CYP1B1: variants seen among roughly 807,000 people sequenced by gnomAD.
CYP1B1 encodes cytochrome P450 family 1 subfamily B member 1.
Under a neutral mutation model 29.9 loss-of-function variants are expected in CYP1B1, and 22 were observed. The observed-to-expected ratio is 0.74, with a 90% CI of 0.53 to 1.05. The LOEUF is 1.05. CYP1B1 is among the 50% of genes least tolerant of loss of function. The pLI, the probability that CYP1B1 is intolerant of heterozygous loss-of-function variation, is 0.00. For synonymous variants in CYP1B1, 375 were observed against 320.0 expected, an observed-to-expected ratio of 1.17 and a Z score of -1.83; for missense variants, 883 against 746.9, an observed-to-expected ratio of 1.18 and a Z score of -2.12.
rs77105857 is a variant in CYP1B1 at position 38,069,647 on chromosome 2, C to T, written c.*1075G>A. ...CCAAAATTTGAGTGAAGAAAAGAAA[C>T]CCTGCTTCATTTCCATGTCAAAAAT... On this transcript the variant is annotated 3_prime_UTR_variant, in exon 3 of 3. Coordinates refer to ENST00000610745, the MANE Select transcript of CYP1B1 (RefSeq NM_000104.4). 1 of 200,958 alleles carries T rather than the reference C, an allele frequency of 5.0e-6. No individual in the cohort carries two copies. Among genetic ancestry groups the T allele is most frequent in the African/African-American group, 2.3e-5 (1 of 43,550 alleles). 12.4% of individuals were successfully genotyped at this position (200,958 alleles called of 1,614,324 possible).
chr2:38,075,053 C>T lies in CYP1B1; in HGVS notation c.336G>A (p.Ser112=), dbSNP rs369514023. The change falls in exon 2 of 3, where the codon TCG becomes TCA. Residue 112 remains serine, a synonymous_variant. Transcript: ENST00000610745. The stretch of plus-strand genomic sequence containing the variant: ...CGAAGGCCGGCCGGTCGGCGAAGGC[C>T]GAGCCCTGCTGCACCAGGGCCTGGT... ...AIHQALVQQG[S]AFADRPAFAS... The T allele has an allele frequency of 6.3e-7, 1 of 1,586,400 alleles. No homozygotes were observed. Among genetic ancestry groups the T allele is most frequent in the African/African-American group, 1.3e-5 (1 of 74,790 alleles).
chr2:38,070,156 G>C lies in CYP1B1; in HGVS notation c.*566C>G, dbSNP rs1031923359. The C allele has an allele frequency of 4.4e-6, 1 of 225,942 alleles. No individual in the cohort carries two copies. Among genetic ancestry groups the C allele is most frequent in the Non-Finnish European group, 8.9e-6 (1 of 112,872 alleles). The allele number at this position is 225,942 out of a possible 1,614,324, so 14.0% of individuals were successfully genotyped here. A position where few individuals can be genotyped will look rare whatever the true frequency, so the allele number is the denominator to read the frequency against. Reference sequence around the variant, plus strand: ...AGGATAAATCCACCCATAAATACTAGAGTCTAAGTTATTTTCCTGAAAAGG... The same window carrying C: ...AGGATAAATCCACCCATAAATACTACAGTCTAAGTTATTTTCCTGAAAAGG... On this transcript the variant is annotated 3_prime_UTR_variant, in exon 3 of 3. Coordinates refer to ENST00000610745, the MANE Select transcript of CYP1B1 (RefSeq NM_000104.4).
intron 2 of CYP1B1, among the ~76,000 whole-genome samples, chr2:38,072,767 C>G (rs1045281502): frequency 4.6e-5 from 7 of 152,148 alleles, no homozygotes; most frequent in South Asian, 4.1e-4. Context: ...TCTGCTCTGC[C>G]TTGTGTTGTA....
chr2:38,074,110 G>A (rs1331123294), intron 2 of CYP1B1, among the ~76,000 whole-genome samples: 1 of 152,004 alleles, frequency 6.6e-6, no homozygotes, highest in Non-Finnish European at 1.5e-5. Flanking sequence ...CAGGGGAGGG[G>A]ACGATAGAGA....
At position 38,071,069 on chromosome 2, in the gene CYP1B1, G is replaced by C. The variant is rs756276196; in HGVS notation, c.1285C>G (p.His429Asp). The C allele has an allele frequency of 1.9e-6, 3 of 1,613,362 alleles. No homozygotes were observed. The highest frequency in any genetic ancestry group is 1.3e-5 in the African/African-American group (1 of 74,912). The part of the protein sequence containing the change: ...VVFVNQWSVN[H>D]DPLKWPNPEN... ...GGGTTAGGCCACTTCAGTGGGTCAT[G>C]ATTCACAGACCACTGGTTGACAAAA... Residue 429 changes from histidine (H) to aspartate (D), a missense_variant, in exon 3 of 3, where the codon CAT becomes GAT. Coordinates refer to ENST00000610745, the MANE Select transcript of CYP1B1 (RefSeq NM_000104.4).
chr2:38,074,732 G>C lies in CYP1B1; in HGVS notation c.657C>G (p.Pro219=). 5 of 1,608,216 alleles carry C rather than the reference G, an allele frequency of 3.1e-6. No individual in the cohort carries two copies. The highest frequency in any genetic ancestry group is 4.2e-6 in the Non-Finnish European group (5 of 1,178,148). The change falls in exon 2 of 3, where the codon CCC becomes CCG. Residue 219 remains proline (P), a synonymous_variant. Coordinates refer to ENST00000610745, the MANE Select transcript of CYP1B1 (RefSeq NM_000104.4). The stretch of plus-strand genomic sequence containing the variant: ...TGTGGCTGAGCAGCTCACGGAACTC[G>C]GGGTCGTCGTGGCTGTAGCGGCAGC... ...CFGCRYSHDD[P]EFRELLSHNE... is the part of the protein sequence containing the mutation.
At chr2:38,073,166 A>G (rs867685097) in intron 2 of CYP1B1, among the ~76,000 whole-genome samples, 52 of 152,202 alleles carry the variant, frequency 3.4e-4, no homozygotes, top group African/African-American at 1.2e-3. Context: ...TTTTAATACT[A>G]AAAAGCCATT....
Position 38,075,329 on chromosome 2 carries a change from C to T in CYP1B1, c.60G>A (p.Gln20=). The T allele has an allele frequency of 6.2e-7, 1 of 1,612,994 alleles. No individual in the cohort carries two copies. ...PWPLNPLSIQ[Q]TTLLLLLSVL... ...CCGACAGGAGTAGCAGGAGCGTGGT[C>T]TGCTGGATGGACAGCGGGTTTAGCG... Residue 20 remains glutamine, a synonymous_variant, in exon 2 of 3, where the codon CAG becomes CAA. Transcript: ENST00000610745.
chr2:38,070,548 C>A lies in CYP1B1; in HGVS notation c.*174G>T. 1.6e-6 allele frequency: 1 copy of A among 644,482 alleles called. No individual in the cohort carries two copies. Among genetic ancestry groups the A allele is most frequent in the Non-Finnish European group, 2.7e-6 (1 of 369,300 alleles). 39.9% of individuals were successfully genotyped at this position (644,482 alleles called of 1,614,324 possible). ...CCAGAAGCTCCTGCATAGCCCACTACTCATGAAGAACCGCTGGGTATGGAG... is the reference window on the plus strand; with the variant it reads ...CCAGAAGCTCCTGCATAGCCCACTAATCATGAAGAACCGCTGGGTATGGAG... On this transcript the variant is annotated 3_prime_UTR_variant, in exon 3 of 3. Coordinates refer to ENST00000610745, the MANE Select transcript of CYP1B1 (RefSeq NM_000104.4).
chr2:38,073,743 G>C (rs1020830922), intron 2 of CYP1B1: 15 of 152,636 alleles, frequency 9.8e-5, no homozygotes, highest in African/African-American at 3.1e-4. Flanking sequence ...CTCCTAGCGC[G>C]GAGGTTTTAT....
At chr2:38,072,744 T>C (rs1264209303) in intron 2 of CYP1B1, among the ~76,000 whole-genome samples, 3 of 152,212 alleles carry the variant, frequency 2.0e-5, no homozygotes, top group Non-Finnish European at 4.4e-5. Flanking sequence ...CCAAACCCTC[T>C]TTGTTGCACT....
rs973124255 is a variant in CYP1B1, at chr2:38,070,566, G to A, written c.*156C>T. 1.8e-5 allele frequency: 13 copies of A among 711,264 alleles called. No homozygotes were observed. Among genetic ancestry groups the A allele is most frequent in the Non-Finnish European group, 2.9e-5 (12 of 414,800 alleles). The allele number at this position is 711,264 out of a possible 1,614,324, so 44.1% of individuals were successfully genotyped here. A position where few individuals can be genotyped will look rare whatever the true frequency, so the allele number is the denominator to read the frequency against. On this transcript the variant is annotated 3_prime_UTR_variant, in exon 3 of 3. Transcript: ENST00000610745. ...CCCACTACTCATGAAGAACCGCTGG[G>A]TATGGAGCACACCTCACCTGATGGA...
chr2:38,072,380 T>A (rs892187784), intron 2 of CYP1B1, among the ~76,000 whole-genome samples: 1 of 152,068 alleles, frequency 6.6e-6, no homozygotes, highest in Non-Finnish European at 1.5e-5. Flanking sequence ...TACATAAAAT[T>A]AAAATAAAAA....
At position 38,071,266 on chromosome 2, in the gene CYP1B1, A is replaced by T; in HGVS notation, c.1088T>A (p.Val363Asp). 6.2e-7 allele frequency: 1 copy of T among 1,612,936 alleles called. No homozygotes were observed. Among genetic ancestry groups the T allele is most frequent in the Non-Finnish European group, 8.5e-7 (1 of 1,180,012 alleles). Residue 363 changes from valine to aspartate, a missense_variant, in exon 3 of 3, where the codon GTC becomes GAC. Coordinates refer to ENST00000610745, the MANE Select transcript of CYP1B1 (RefSeq NM_000104.4). ...QTRVQAELDQ[V>D]VGRDRLPCMG... ...ACAAGGCAGACGGTCCCTCCCCACGACCTGATCCAATTCTGCCTGCACTCG... is the reference window on the plus strand; with the variant it reads ...ACAAGGCAGACGGTCCCTCCCCACGTCCTGATCCAATTCTGCCTGCACTCG...
chr2:38,070,475 A>C lies in CYP1B1; in HGVS notation c.*247T>G, dbSNP rs1379038750. ...CAGAAATAACCAAGATGCAGTATGT[A>C]TATAATAATTCATTGGGCCCTTTAA... is the stretch of plus-strand genomic sequence containing the variant. On this transcript the variant is annotated 3_prime_UTR_variant, in exon 3 of 3. Coordinates refer to ENST00000610745, the MANE Select transcript of CYP1B1 (RefSeq NM_000104.4). The C allele has an allele frequency of 6.9e-5, 36 of 525,326 alleles. No individual in the cohort carries two copies. The highest frequency in any genetic ancestry group is 1.0e-4 in the East Asian group (3 of 29,852). 32.5% of individuals were successfully genotyped at this position (525,326 alleles called of 1,614,324 possible).
At chr2:38,071,646 T>C (rs897431712) in intron 2 of CYP1B1, among the ~76,000 whole-genome samples, 1 of 152,202 alleles carries the variant, frequency 6.6e-6, no homozygotes, top group Non-Finnish European at 1.5e-5. Flanking sequence ...GCAGGGACAG[T>C]GCCTAGGGCT....
intron 2 of CYP1B1, chr2:38,073,761 G>C (rs1444580634): frequency 6.5e-6 from 1 of 153,892 alleles, no homozygotes; most frequent in Non-Finnish European, 1.4e-5. Flanking sequence ...TATAAACCTA[G>C]CGCTGCCCGC....
In CYP1B1 at chr2:38,074,692, G is replaced by A; in HGVS notation, c.697C>T (p.Arg233Cys). Residue 233 changes from arginine (R) to cysteine (C), a missense_variant, in exon 2 of 3, where the codon CGC becomes TGC. Coordinates refer to ENST00000610745, the MANE Select transcript of CYP1B1 (RefSeq NM_000104.4). ...ELLSHNEEFG[R>C]TVGAGSLVDV... ...ACCAGGCTGCCCGCGCCCACCGTGC[G>A]CCCGAACTCTTCGTTGTGGCTGAGC... 6.2e-7 allele frequency: 1 copy of A among 1,612,726 alleles called. No homozygotes were observed. Among genetic ancestry groups the A allele is most frequent in the Non-Finnish European group, 8.5e-7 (1 of 1,179,916 alleles).
rs1682374110 is a variant in CYP1B1, at chr2:38,069,040, C to T, written c.*1682G>A. 1 of 225,780 alleles carries T rather than the reference C, an allele frequency of 4.4e-6. No homozygotes were observed. Among genetic ancestry groups the T allele is most frequent in the African/African-American group, 2.2e-5 (1 of 45,050 alleles). The allele number at this position is 225,780 out of a possible 1,614,324, so 14.0% of individuals were successfully genotyped here. A position where few individuals can be genotyped will look rare whatever the true frequency, so the allele number is the denominator to read the frequency against. ...AGCACTTAGGACACTGTAGAACTTT[C>T]TTTGGAAGTTTAATTGCAATGAACT... is the stretch of plus-strand genomic sequence containing the variant. On this transcript the variant is annotated 3_prime_UTR_variant, in exon 3 of 3. Coordinates refer to ENST00000610745, the MANE Select transcript of CYP1B1 (RefSeq NM_000104.4).
Sources: gnomAD v4.1 joint callset for allele counts (sites outside exome capture counted in the v4.1 genomes callset) on GRCh38, gnomAD v4.1.1 for gene constraint, MANE v1.5 for transcripts, NCBI Gene and HGNC (gene_info 2026-07-23, HGNC 2026-07-21) for gene names.